SLC9C1: variants seen among roughly 807,000 people sequenced by gnomAD.
SLC9C1 encodes sodium/hydrogen exchanger 10.
In SLC9C1, 97 loss-of-function variants were observed where a neutral mutation model predicts 140.9. That is an observed-to-expected ratio of 0.69 (90% CI 0.58 to 0.82). The LOEUF (loss-of-function observed/expected upper bound fraction) is 0.82, where lower values mean the gene tolerates loss of function less well. SLC9C1 is among the 40% of genes least tolerant of loss of function. The pLI is 0.00. For synonymous variants in SLC9C1, 440 were observed against 442.6 expected (o/e 0.99, Z 0.07); for missense variants, 1,340 against 1,389.3 (o/e 0.96, Z 0.56).
At chr3:112,166,071 G>T (rs574070236) in intron 26 of SLC9C1, among the ~76,000 whole-genome samples, 20 of 152,358 alleles carry the variant, frequency 1.3e-4, no homozygotes, top group African/African-American at 1.9e-4. Flanking sequence ...CTCCAAGCCA[G>T]GCGCTGGATA....
Position 112,155,062 on chromosome 3 carries a change from A to AT in SLC9C1, c.3365-14_3365-13insA. 1 of 1,598,814 alleles carries AT rather than the reference A, an allele frequency of 6.3e-7. No homozygotes were observed. The highest frequency in any genetic ancestry group is 1.1e-5 in the South Asian group (1 of 89,158). The stretch of plus-strand genomic sequence containing the variant: ...GTTCCAACTGAACCTGATTAAAAAA[A>AT]AAAAAAACAGTGTTAATTCAACCAC... On this transcript the variant is annotated splice_polypyrimidine_tract_variant and intron_variant, in intron 26 of 28. Transcript: ENST00000305815.
chr3:112,212,178 A>G (rs1303816106), intron 15 of SLC9C1, among the ~76,000 whole-genome samples: 1 of 152,218 alleles, frequency 6.6e-6, no homozygotes, highest in Non-Finnish European at 1.5e-5. Context: ...ACAAACACAA[A>G]GGACATCCAC....
intron 28 of SLC9C1, among the ~76,000 whole-genome samples, chr3:112,150,251 A>G (rs2074917727): frequency 6.6e-6 from 1 of 152,200 alleles, no homozygotes; most frequent in Non-Finnish European, 1.5e-5. Context: ...CGGATTAAAA[A>G]TGGCATCCTG....
chr3:112,292,703 C>T (rs1052901879), intron 1 of SLC9C1, among the ~76,000 whole-genome samples: 11 of 151,822 alleles, frequency 7.2e-5, no homozygotes, highest in African/African-American at 2.7e-4. Context: ...GCCACCACGC[C>T]CGGCTAATTT....
chr3:112,266,699 A>C (rs939259090), intron 7 of SLC9C1, among the ~76,000 whole-genome samples: 1 of 152,220 alleles, frequency 6.6e-6, no homozygotes, highest in Non-Finnish European at 1.5e-5. Flanking sequence ...TTCTTAGCAG[A>C]CATAGTTCTA....
chr3:112,217,134 T>C (rs1056856900), intron 15 of SLC9C1, among the ~76,000 whole-genome samples: 4 of 152,002 alleles, frequency 2.6e-5, no homozygotes, highest in African/African-American at 9.7e-5. Flanking sequence ...ATGTTCTCAC[T>C]CATAGGTGGG....
At chr3:112,150,797 T>TATATATATAAATACATATAC (rs1560003264) in intron 28 of SLC9C1, among the ~76,000 whole-genome samples, 15 of 27,848 alleles carry the variant, frequency 5.4e-4, no homozygotes, top group African/African-American at 1.5e-3. Context: ...CATATACATA[T>TATATATATAAATACATATAC]ATATATATAT....
chr3:112,168,542 C>T (rs2077184377), intron 25 of SLC9C1, among the ~76,000 whole-genome samples: 1 of 152,188 alleles, frequency 6.6e-6, no homozygotes, highest in African/African-American at 2.4e-5. Context: ...TACAGTTTTT[C>T]TGCAACATGT....
intron 15 of SLC9C1, 91 bp from the exon 16 acceptor site, chr3:112,208,464 G>A: frequency 2.3e-6 from 2 of 855,070 alleles, no homozygotes; most frequent in Non-Finnish European, 3.4e-6. Context: ...ATCAACAGCT[G>A]CAGAGCCTTC....
At chr3:112,230,236 G>C (rs2078785524) in intron 13 of SLC9C1, among the ~76,000 whole-genome samples, 1 of 151,982 alleles carries the variant, frequency 6.6e-6, no homozygotes, top group Non-Finnish European at 1.5e-5. Context: ...CTGCTGACTC[G>C]GTATATTTAG....
intron 26 of SLC9C1, among the ~76,000 whole-genome samples, chr3:112,156,719 TCTAA>T (rs2075137638): frequency 2.0e-5 from 3 of 152,266 alleles, no homozygotes; most frequent in South Asian, 2.1e-4. Flanking sequence ...CAGTAGTCAT[TCTAA>T]CTAAGGTGAA....
chr3:112,172,988 G>A (rs1240338092), intron 23 of SLC9C1, among the ~76,000 whole-genome samples: 2 of 151,892 alleles, frequency 1.3e-5, no homozygotes, highest in Non-Finnish European at 2.9e-5. Context: ...ATTAATGTGG[G>A]ATTATTGGTC....
intron 15 of SLC9C1, among the ~76,000 whole-genome samples, chr3:112,211,325 G>A (rs13096855): frequency 0.3 from 44,974 of 152,040 alleles, 7,209 homozygotes; most frequent in East Asian, 0.42. Flanking sequence ...CTGAGGTACC[G>A]GGTTCATCTC....
At chr3:112,209,138 C>G (rs193136972) in intron 15 of SLC9C1, among the ~76,000 whole-genome samples, 1 of 152,146 alleles carries the variant, frequency 6.6e-6, no homozygotes, top group Admixed American at 6.5e-5. Flanking sequence ...TGGGTAAGTA[C>G]CAGATCATTT....
chr3:112,276,298 G>A (rs1300989540), intron 5 of SLC9C1, among the ~76,000 whole-genome samples: 1 of 151,830 alleles, frequency 6.6e-6, no homozygotes, highest in African/African-American at 2.4e-5. Context: ...AGGAGTCAAA[G>A]GACATGAAAA....
chr3:112,237,839 T>C (rs2399409), intron 12 of SLC9C1, among the ~76,000 whole-genome samples: 44,999 of 152,170 alleles, frequency 0.3, 7,214 homozygotes, highest in East Asian at 0.43. Context: ...GTTAGTCTGA[T>C]GGTCTTCCCT....
chr3:112,278,925 G>C, intron 3 of SLC9C1, 68 bp from the exon 4 acceptor site: 2 of 1,483,744 alleles, frequency 1.3e-6, no homozygotes, highest in South Asian at 2.6e-5. Context: ...CATGCTAGGT[G>C]CTCCTAAATC....
chr3:112,151,693 C>T (rs1350287043), intron 28 of SLC9C1, among the ~76,000 whole-genome samples, 164 bp downstream of exon 28: 1 of 152,194 alleles, frequency 6.6e-6, no homozygotes, highest in Non-Finnish European at 1.5e-5. Context: ...GAAGTTAATT[C>T]TCTAAATTAC....
intron 27 of SLC9C1, among the ~76,000 whole-genome samples, chr3:112,154,658 G>A (rs2107863685): frequency 6.6e-6 from 1 of 152,252 alleles, no homozygotes; most frequent in African/African-American, 2.4e-5. Context: ...AAGAATTAAG[G>A]GTCAGTCCAG....
Sources: allele counts gnomAD v4.1 joint callset (sites outside exome capture counted in the v4.1 genomes callset), GRCh38; gene constraint gnomAD v4.1.1; transcripts MANE v1.5; gene names NCBI Gene and HGNC (gene_info 2026-07-23, HGNC 2026-07-21).